The following NBEA variants were observed in gnomAD, a reference collection of about 807,000 sequenced individuals.
The protein encoded by NBEA is lysosomal-trafficking regulator 2.
In NBEA, 44 loss-of-function variants were observed where a neutral mutation model predicts 343.4. That is an observed-to-expected ratio of 0.13 (90% CI 0.10 to 0.16). The LOEUF is 0.16. Ranked by LOEUF, NBEA falls within the 10% of genes least tolerant of loss-of-function variation. The pLI is 1.00. For missense variants in NBEA, 2,555 were observed against 3,631.3 expected (o/e 0.70, Z 7.62); for synonymous variants, 1,175 against 1,238.7 (o/e 0.95, Z 1.08).
In NBEA at chr13:34,953,952, A is replaced by G. The variant is rs139744606; in HGVS notation, c.294+10838A>G. ...AAGGGATCTAGGTTGTGCGCTCCTTATGAAAATCTAATGCCTGATGATCTG... is the reference window on the plus strand; with the variant it reads ...AAGGGATCTAGGTTGTGCGCTCCTTGTGAAAATCTAATGCCTGATGATCTG... On this transcript the variant is annotated intron_variant, in intron 1 of 58. Transcript: ENST00000379939. Among the ~76,000 whole-genome samples the G allele has an allele frequency of 3.8e-3, 573 of 152,326 alleles. 3 individuals carry two copies. Among genetic ancestry groups the G allele is most frequent in the African/African-American group, 0.013 (553 of 41,578 alleles).
At chr13:35,614,226 C>T (rs2082638657) in intron 48 of NBEA, among the ~76,000 whole-genome samples, 1 of 152,000 alleles carries the variant, frequency 6.6e-6, no homozygotes, top group Non-Finnish European at 1.5e-5. Context: ...GTTTCGGTTC[C>T]TTGTATTATG....
intron 11 of NBEA, among the ~76,000 whole-genome samples, chr13:35,108,413 T>G (rs2066025457): frequency 6.6e-6 from 1 of 152,026 alleles, no homozygotes; most frequent in Non-Finnish European, 1.5e-5. Flanking sequence ...TCCAATTAAA[T>G]TACAATTCAA....
At chr13:35,279,397 A>G (rs1174252966) in intron 34 of NBEA, among the ~76,000 whole-genome samples, 1 of 152,192 alleles carries the variant, frequency 6.6e-6, no homozygotes, top group Non-Finnish European at 1.5e-5. Context: ...AGATATTCTG[A>G]TTTTCAGTTC....
rs1370368325 is a variant in NBEA, at chr13:35,233,868, C to T, written c.5776+1249C>T. Among the ~76,000 whole-genome samples the T allele has an allele frequency of 2.0e-5, 3 of 152,060 alleles. No homozygotes were observed. In the East Asian group the frequency reaches 5.8e-4, roughly 29 times the overall value. ...ACAGAGAATTGGGATTACAGAATGA[C>T]AAGGTTAGGCTGAAGTTTAAAGAGA... On this transcript the variant is annotated intron_variant, in intron 34 of 58. Transcript: ENST00000379939.
At chr13:35,208,552 C>G (rs1442932186) in intron 31 of NBEA, 148 bp from the exon 32 acceptor site, 1 of 551,284 alleles carries the variant, frequency 1.8e-6, no homozygotes, top group African/African-American at 1.9e-5. Context: ...TTTCCACTGA[C>G]AAAGCTGGAC....
intron 41 of NBEA, among the ~76,000 whole-genome samples, chr13:35,494,735 A>G (rs2076614915): frequency 1.3e-5 from 2 of 151,988 alleles, no homozygotes; most frequent in East Asian, 3.9e-4. Context: ...AAAATCAGAG[A>G]CAGGTGCAGT....
At chr13:35,110,300 A>G (rs185083954) in intron 12 of NBEA, among the ~76,000 whole-genome samples, 25 of 151,064 alleles carry the variant, frequency 1.7e-4, no homozygotes, top group Non-Finnish European at 2.9e-4. Flanking sequence ...CTGACATGCC[A>G]TCTCTATGCT....
At chr13:35,231,077 C>T (rs1317158206) in intron 33 of NBEA, among the ~76,000 whole-genome samples, 5 of 152,014 alleles carry the variant, frequency 3.3e-5, no homozygotes, top group South Asian at 4.1e-4. Flanking sequence ...CTTTTTCTTA[C>T]GGGAAAATGT....
chr13:35,126,919 C>CA (rs780669899), intron 17 of NBEA, among the ~76,000 whole-genome samples: 2,852 of 58,202 alleles, frequency 0.049, 37 homozygotes, highest in African/African-American at 0.059. Flanking sequence ...GACTCCATCT[C>CA]AAAAAAAAAA....
intron 1 of NBEA, among the ~76,000 whole-genome samples, chr13:34,980,790 C>T (rs1452793046): frequency 1.3e-5 from 2 of 152,064 alleles, no homozygotes; most frequent in East Asian, 3.8e-4. Flanking sequence ...AGTTTTTCCT[C>T]TTCCTAGTTT....
At chr13:35,229,404 C>T (rs2074843751) in intron 33 of NBEA, among the ~76,000 whole-genome samples, 4 of 151,962 alleles carry the variant, frequency 2.6e-5, no homozygotes. Context: ...AGAATTTTCC[C>T]CTAAAGTCAG....
chr13:35,483,603 C>T (rs531033452), intron 41 of NBEA, among the ~76,000 whole-genome samples: 83 of 152,002 alleles, frequency 5.5e-4, no homozygotes, highest in African/African-American at 2.0e-3. Context: ...GATAATGATG[C>T]TCTTTCAAAT....
chr13:35,603,541 A>G (rs181971193), intron 47 of NBEA, among the ~76,000 whole-genome samples: 1 of 152,350 alleles, frequency 6.6e-6, no homozygotes, highest in African/African-American at 2.4e-5. Context: ...ATAATATATG[A>G]AAAACATTAT....
intron 48 of NBEA, among the ~76,000 whole-genome samples, chr13:35,621,213 G>A (rs1173954628): frequency 6.6e-6 from 1 of 152,104 alleles, no homozygotes. Context: ...CATTTCAGTG[G>A]GATCTGCTCC....
rs1045649101 is a variant in NBEA, at chr13:35,476,255, G to T, written c.6585+3719G>T. 1.0e-5 allele frequency: 16 copies of T among 1,529,584 alleles called. No individual in the cohort carries two copies. The Admixed American group carries it at 1.4e-4, about 13-fold the overall frequency. The allele number at this position is 1,529,584 out of a possible 1,614,324, so 94.8% of individuals were successfully genotyped here. Reference sequence around the variant, plus strand: ...GAAACGGGCCGCAACACTCAGAAATGGATCAAAAATGCCTTTCGGAAGTGC... The same window carrying T: ...GAAACGGGCCGCAACACTCAGAAATTGATCAAAAATGCCTTTCGGAAGTGC... On this transcript the variant is annotated intron_variant, in intron 41 of 58. Transcript: ENST00000379939.
At chr13:35,445,375 T>G (rs1054553192) in intron 39 of NBEA, among the ~76,000 whole-genome samples, 1 of 152,110 alleles carries the variant, frequency 6.6e-6, no homozygotes, top group Non-Finnish European at 1.5e-5. Flanking sequence ...TCTCCACACA[T>G]TTCCATTGTC....
At chr13:35,611,180 C>T (rs2082504597) in intron 48 of NBEA, among the ~76,000 whole-genome samples, 1 of 152,128 alleles carries the variant, frequency 6.6e-6, no homozygotes, top group South Asian at 2.1e-4. Context: ...AGCAACCCTG[C>T]TTCTTGGTTT....
intron 42 of NBEA, 131 bp downstream of exon 42, chr13:35,550,725 T>G (rs2079279209): frequency 2.9e-6 from 2 of 690,072 alleles, no homozygotes; most frequent in Admixed American, 3.1e-5. Flanking sequence ...CAGAAATTCT[T>G]TTTAAAAAAT....
intron 49 of NBEA, among the ~76,000 whole-genome samples, chr13:35,634,392 G>A (rs556198729): frequency 6.6e-6 from 1 of 152,228 alleles, no homozygotes; most frequent in South Asian, 2.1e-4. Flanking sequence ...ATTATCAAAT[G>A]AATTAGCAAC....
Sources: allele counts gnomAD v4.1 joint callset (sites outside exome capture counted in the v4.1 genomes callset), GRCh38; gene constraint gnomAD v4.1.1; transcripts MANE v1.5; gene names NCBI Gene and HGNC (gene_info 2026-07-23, HGNC 2026-07-21).